DNAH6: variants seen among roughly 807,000 people sequenced by gnomAD.
DNAH6 encodes the protein axonemal beta dynein heavy chain 6.
A neutral mutation model predicts 491.4 loss-of-function variants in DNAH6; 340 were observed. That is an observed-to-expected ratio of 0.69 (90% confidence interval 0.63 to 0.76). The LOEUF is 0.76. Among genes scored for constraint, DNAH6 ranks in the 30% least tolerant of loss-of-function variants. The pLI is 0.00. For synonymous variants in DNAH6, 1,603 were observed against 1,686.1 expected, an observed-to-expected ratio of 0.95 and a Z score of 1.21; for missense variants, 4,443 against 4,972.2, an observed-to-expected ratio of 0.89 and a Z score of 3.20.
the DNAH6 span, among the ~76,000 whole-genome samples, chr2:84,469,653 G>A: frequency 1.3e-5 from 2 of 152,160 alleles, no homozygotes; most frequent in Non-Finnish European, 2.9e-5. The surrounding 1 kb of genome is among the most constrained non-coding windows in gnomAD (Gnocchi z 4.0). Context: ...ACAGTTGGCC[G>A]CTTGTCGGTA....
chr2:84,654,858 A>G, intron 35 of DNAH6, 76 bp downstream of exon 35: 1 of 1,481,030 alleles, frequency 6.8e-7, no homozygotes, highest in Non-Finnish European at 9.2e-7. Context: ...AAATAACAAT[A>G]GGTTAAGGAC....
chr2:84,569,603 AG>A (rs1259528586), intron 11 of DNAH6, among the ~76,000 whole-genome samples: 1 of 152,208 alleles, frequency 6.6e-6, no homozygotes, highest in Non-Finnish European at 1.5e-5. Context: ...AACTAAACCA[AG>A]TAACTTTTGA....
chr2:84,746,039 C>G (rs1037692586), intron 63 of DNAH6, among the ~76,000 whole-genome samples: 29 of 151,990 alleles, frequency 1.9e-4, no homozygotes, highest in Non-Finnish European at 7.4e-5. Context: ...TGTTTGCATG[C>G]CAAAGGGGAT....
chr2:84,605,182 T>C (rs1028236386), intron 19 of DNAH6, among the ~76,000 whole-genome samples: 3 of 147,366 alleles, frequency 2.0e-5, no homozygotes, highest in African/African-American at 7.8e-5. Flanking sequence ...CCTATCTCTA[T>C]TAAAAATACA....
chr2:84,588,091 TCAG>T (rs1468496409), intron 15 of DNAH6, among the ~76,000 whole-genome samples: 1 of 152,176 alleles, frequency 6.6e-6, no homozygotes, highest in Non-Finnish European at 1.5e-5. Flanking sequence ...CATGAGAACT[TCAG>T]GATTCCCTGC....
intron 37 of DNAH6, among the ~76,000 whole-genome samples, chr2:84,660,067 C>T (rs1691351196): frequency 6.6e-6 from 1 of 151,904 alleles, no homozygotes; most frequent in Non-Finnish European, 1.5e-5. Context: ...GAACTAGACA[C>T]AAAGACACCT....
rs1490882216 is a variant in DNAH6, at chr2:84,710,313, A to G, written c.9279A>G (p.Glu3093=). Residue 3093 remains glutamate (E), a synonymous_variant, in exon 56 of 77, where the codon GAA becomes GAG. Transcript: ENST00000389394. ...DQANRWIRNK[E]SKSGLKIIKL... ...CAAACCGTTGGATAAGGAACAAGGAAAGCAAAAGTGGTTTAAAGATCATTA... is the reference window on the plus strand; with the variant it reads ...CAAACCGTTGGATAAGGAACAAGGAGAGCAAAAGTGGTTTAAAGATCATTA... 5 of 1,551,578 alleles carry G rather than the reference A, an allele frequency of 3.2e-6. No homozygotes were observed. The African/African-American group carries it at 6.8e-5, about 21-fold the overall frequency.
intron 33 of DNAH6, among the ~76,000 whole-genome samples, chr2:84,650,393 G>A (rs1690337087): frequency 1.3e-5 from 2 of 151,902 alleles, no homozygotes; most frequent in South Asian, 4.2e-4. Context: ...CTATCTTGCA[G>A]TTTACCAAAT....
intron 23 of DNAH6, among the ~76,000 whole-genome samples, chr2:84,618,149 A>G (rs1687060504): frequency 6.6e-6 from 1 of 152,146 alleles, no homozygotes; most frequent in East Asian, 1.9e-4. Context: ...AGTTTCATGC[A>G]GGGAATTAGA....
In DNAH6 at chr2:84,558,244, A is replaced by G. The variant is rs557022561; in HGVS notation, c.1803+309A>G. 3.9e-5 allele frequency among the ~76,000 whole-genome samples: 6 copies of G among 152,014 alleles called. No individual in the cohort carries two copies. The South Asian group carries it at 6.3e-4, about 16-fold the overall frequency. ...AGATCGAGACCATCCTGGCTAACAC[A>G]TTGAAACCCCATCTCTACTAAAAAA... is the stretch of plus-strand genomic sequence containing the variant. On this transcript the variant is annotated intron_variant, in intron 11 of 76. Coordinates refer to ENST00000389394, the MANE Select transcript of DNAH6 (RefSeq NM_001370.2).
chr2:84,748,164 T>C (rs1673145239), intron 63 of DNAH6, among the ~76,000 whole-genome samples: 1 of 152,206 alleles, frequency 6.6e-6, no homozygotes, highest in Non-Finnish European at 1.5e-5. Context: ...CATGCTAATC[T>C]CTCTAGCAAG....
At chr2:84,595,865 G>C (rs1263943860) in intron 18 of DNAH6, 76 bp downstream of exon 18, 3 of 1,370,642 alleles carry the variant, frequency 2.2e-6, no homozygotes, top group Non-Finnish European at 2.9e-6. Flanking sequence ...CCAAAATCAG[G>C]AATTTTTCCC....
At chr2:84,752,004 A>G (rs916892389) in intron 63 of DNAH6, among the ~76,000 whole-genome samples, 8 of 152,212 alleles carry the variant, frequency 5.3e-5, no homozygotes, top group Non-Finnish European at 7.4e-5. Flanking sequence ...CGTTCCCTGA[A>G]GCATCTTGGT....
At chr2:84,493,820 A>C in the DNAH6 span, among the ~76,000 whole-genome samples, 1 of 152,312 alleles carries the variant, frequency 6.6e-6, no homozygotes, top group South Asian at 2.1e-4. Context: ...TAAAGGGGTG[A>C]GATGCTGATA....
intron 29 of DNAH6, among the ~76,000 whole-genome samples, chr2:84,625,340 T>C (rs1687760983): frequency 6.6e-6 from 1 of 151,678 alleles, no homozygotes; most frequent in South Asian, 2.1e-4. Context: ...AGAAACGAGA[T>C]GAGGTACAAG....
In DNAH6 at chr2:84,801,513, A is replaced by C. The variant is rs1678909301; in HGVS notation, c.11481+3855A>C. On this transcript the variant is annotated intron_variant, in intron 70 of 76. Coordinates refer to ENST00000389394, the MANE Select transcript of DNAH6 (RefSeq NM_001370.2). ...TATTACCTATAAGGGGAATCCTATC[A>C]GAGTAAGAGCAGACTCTCAGCAGAA... is the stretch of plus-strand genomic sequence containing the variant. Among the ~76,000 whole-genome samples the C allele has an allele frequency of 3.3e-5, 5 of 152,314 alleles. No homozygotes were observed. The South Asian group carries it at 1.0e-3, about 32-fold the overall frequency.
the DNAH6 span, among the ~76,000 whole-genome samples, chr2:84,496,261 T>C: frequency 6.6e-6 from 1 of 152,264 alleles, no homozygotes; most frequent in African/African-American, 2.4e-5. Context: ...CTTATGCTAA[T>C]TTAAAAGTAA....
At chr2:84,781,094 A>G (rs1676645710) in intron 64 of DNAH6, among the ~76,000 whole-genome samples, 1 of 152,184 alleles carries the variant, frequency 6.6e-6, no homozygotes, top group Non-Finnish European at 1.5e-5. Context: ...TGTATATGTT[A>G]GACTTTAATT....
intron 29 of DNAH6, among the ~76,000 whole-genome samples, chr2:84,633,864 T>C (rs1296929188): frequency 1.3e-5 from 2 of 152,264 alleles, no homozygotes; most frequent in South Asian, 4.1e-4. Context: ...GTAGTATGTG[T>C]TCAGTTGACC....
Sources: allele counts gnomAD v4.1 joint callset (sites outside exome capture counted in the v4.1 genomes callset), GRCh38; gene constraint gnomAD v4.1.1; non-coding constraint Gnocchi (gnomAD v3.1); transcripts MANE v1.5; gene names NCBI Gene and HGNC (gene_info 2026-07-23, HGNC 2026-07-21).